Variants in HSP90B1 observed in about 807,000 individuals in gnomAD.
The protein encoded by HSP90B1 is heat shock protein 90 beta family member 1, also known as endoplasmin.
Under a neutral mutation model 100.4 loss-of-function variants are expected in HSP90B1, and 27 were observed. That is an observed-to-expected ratio of 0.27 (90% CI 0.20 to 0.37). The LOEUF is 0.37. Among genes scored for constraint, HSP90B1 ranks in the 10% least tolerant of loss-of-function variants. The probability of loss-of-function intolerance (pLI) is 1.00; values close to 1 mark genes in which losing one functional copy is unlikely to be tolerated. For synonymous variants in HSP90B1, 304 were observed against 330.8 expected (o/e 0.92, Z 0.88); for missense variants, 678 against 960.5 (o/e 0.71, Z 3.89).
At position 103,943,565 on chromosome 12, in the gene HSP90B1, G is replaced by A. The variant is rs1870139045; in HGVS notation, c.1891-173G>A. 12 of 721,558 alleles carry A rather than the reference G, an allele frequency of 1.7e-5. No homozygotes were observed. The South Asian group carries it at 2.6e-4, about 16-fold the overall frequency. 44.7% of individuals were successfully genotyped at this position (721,558 alleles called of 1,614,324 possible). A position where few individuals can be genotyped will look rare whatever the true frequency, so the allele number is the denominator to read the frequency against. On this transcript the variant is annotated intron_variant, in intron 13 of 17. Coordinates refer to ENST00000299767, the MANE Select transcript of HSP90B1 (RefSeq NM_003299.3). This position sits in a 1 kb window ranked among gnomAD's most constrained non-coding sequence, Gnocchi z 5.3. ...TTTAAACTTCTGACTAGAAAATTCA[G>A]ATTATCAAGTAAGTGCCCCTACAAA...
In HSP90B1 at chr12:103,930,754, C is replaced by T. The variant is rs923328358; in HGVS notation, c.49+190C>T. On this transcript the variant is annotated intron_variant, in intron 1 of 17. Transcript: ENST00000299767. This position sits in a 1 kb window ranked among gnomAD's most constrained non-coding sequence, Gnocchi z 4.4. Reference sequence around the variant, plus strand: ...TTCCTCTGGAAATAAAAAAAGAGAGCAACATCATCTAACTGCCCTACAGAT... The same window carrying T: ...TTCCTCTGGAAATAAAAAAAGAGAGTAACATCATCTAACTGCCCTACAGAT... Among the ~76,000 whole-genome samples, 3 of 151,152 alleles carry T rather than the reference C, an allele frequency of 2.0e-5. No homozygotes were observed. The highest frequency in any genetic ancestry group is 6.6e-5 in the Admixed American group (1 of 15,182).
chr12:103,937,592 T>C, intron 5 of HSP90B1, 103 bp from the exon 6 acceptor site: 1 of 668,456 alleles, frequency 1.5e-6, no homozygotes, highest in Non-Finnish European at 2.7e-6. Context: ...TTAGGACATC[T>C]TGGATTATAC....
intron 12 of HSP90B1, 95 bp downstream of exon 12, chr12:103,942,891 G>T: frequency 2.7e-6 from 4 of 1,472,660 alleles, no homozygotes; most frequent in Non-Finnish European, 3.7e-6. Context: ...ACTTAATTGT[G>T]TAACTGGAGT....
intron 4 of HSP90B1, among the ~76,000 whole-genome samples, chr12:103,933,342 C>T (rs767832237): frequency 3.3e-5 from 5 of 152,224 alleles, no homozygotes; most frequent in African/African-American, 7.2e-5. Flanking sequence ...GGGACAGAGG[C>T]GTGGGCAGCC....
chr12:103,932,753 G>A, intron 3 of HSP90B1, 73 bp from the exon 4 acceptor site: 1 of 825,122 alleles, frequency 1.2e-6, no homozygotes, highest in Non-Finnish European at 2.1e-6. Context: ...AAATAAATGG[G>A]TTTGGCATAA....
chr12:103,943,319 G>T lies in HSP90B1; in HGVS notation c.1890G>T (p.Lys630Asn). Reference protein sequence around the residue: ...NWMKDKALKDKIEKAVVSQRL... With the variant: ...NWMKDKALKDNIEKAVVSQRL... ...TGAAAGATAAAGCCCTTAAGGACAA[G>T]GTACTGTGGAAATTACAAATTGTGG... is the stretch of plus-strand genomic sequence containing the variant. The change falls in exon 13 of 18, where the codon AAG (lysine) becomes AAT (asparagine). Residue 630 changes from lysine to asparagine, a missense_variant and splice_region_variant. Lys to Asn is a moderately conservative substitution (Grantham distance 94). This residue lies in a region of HSP90B1 where 170 missense variants were observed against 236.7 expected (regional missense o/e 0.72). Coordinates refer to ENST00000299767, the MANE Select transcript of HSP90B1 (RefSeq NM_003299.3). The surrounding 1 kb of genome is among the most constrained non-coding windows in gnomAD (Gnocchi z 5.3). 6.2e-7 allele frequency: 1 copy of T among 1,612,396 alleles called. No homozygotes were observed.
chr12:103,943,762 C>A lies in HSP90B1; in HGVS notation c.1915C>A (p.Arg639Ser), dbSNP rs562235742. ...GATTGAAAAGGCTGTGGTGTCTCAG[C>A]GCCTGACAGAATCTCCGTGTGCTTT... ...DKIEKAVVSQRLTESPCALVA... is the reference protein window; with the variant it reads ...DKIEKAVVSQSLTESPCALVA... The change falls in exon 14 of 18, where the codon CGC becomes AGC. Residue 639 changes from arginine (R) to serine (S), a missense_variant. Transcript: ENST00000299767. This position sits in a 1 kb window ranked among gnomAD's most constrained non-coding sequence, Gnocchi z 5.3. The A allele has an allele frequency of 5.6e-6, 9 of 1,613,602 alleles. No homozygotes were observed. The Admixed American group carries it at 6.7e-5, about 12-fold the overall frequency.
rs766483420 is a variant in HSP90B1 at position 103,942,641 on chromosome 12, A to G, written c.1489A>G (p.Ile497Val). Residue 497 changes from isoleucine (I) to valine (V), a missense_variant, in exon 12 of 18, where the codon ATT (isoleucine) becomes GTT (valine). Around this residue, in one of 8 missense-constraint regions of HSP90B1, gnomAD observed 170 missense variants for 236.7 expected, o/e 0.72. Coordinates refer to ENST00000299767, the MANE Select transcript of HSP90B1 (RefSeq NM_003299.3). ...EFGTNIKLGV[I>V]EDHSNRTRLA... ...TGGTACCAACATCAAGCTTGGTGTG[A>G]TTGAAGACCACTCGAATCGAACACG... The G allele has an allele frequency of 6.2e-7, 1 of 1,614,054 alleles. No individual in the cohort carries two copies. The highest frequency in any genetic ancestry group is 1.7e-5 in the Admixed American group (1 of 60,024).
Position 103,934,034 on chromosome 12 carries a change from G to A in HSP90B1, c.490G>A (p.Gly164Ser). The change falls in exon 5 of 18, where the codon GGT (glycine) becomes AGT (serine). Residue 164 changes from glycine (G) to serine (S), a missense_variant. Transcript: ENST00000299767. ...MTREELVKNL[G>S]TIAKSGTSEF... ...CAGAGAAGAGTTGGTTAAAAACCTTGGTACCATAGCCAAATCTGGGACAAG... is the reference window on the plus strand; with the variant it reads ...CAGAGAAGAGTTGGTTAAAAACCTTAGTACCATAGCCAAATCTGGGACAAG... 1.2e-6 allele frequency: 2 copies of A among 1,614,182 alleles called. No individual in the cohort carries two copies. Among genetic ancestry groups the A allele is most frequent in the Non-Finnish European group, 1.7e-6 (2 of 1,180,020 alleles).
rs201673228 is a variant in HSP90B1 at position 103,943,922 on chromosome 12, A to G, written c.2027+48A>G. ...CTGCCAGGGCGTTGCCCCTTACCCA[A>G]TCTTTGTTTTGGAGATAATACCAGC... On this transcript the variant is annotated intron_variant, in intron 14 of 17. Coordinates refer to ENST00000299767, the MANE Select transcript of HSP90B1 (RefSeq NM_003299.3). The surrounding 1 kb of genome is among the most constrained non-coding windows in gnomAD (Gnocchi z 5.3). 14 of 1,560,906 alleles carry G rather than the reference A, an allele frequency of 9.0e-6. No individual in the cohort carries two copies. Among genetic ancestry groups the G allele is most frequent in the African/African-American group, 2.7e-5 (2 of 73,108 alleles).
At chr12:103,940,089 A>T (rs995578063) in intron 8 of HSP90B1, among the ~76,000 whole-genome samples, 8 of 152,140 alleles carry the variant, frequency 5.3e-5, no homozygotes, top group Admixed American at 1.3e-4. Flanking sequence ...TGATTTTTTT[A>T]AAAAAATTAT....
In HSP90B1 at chr12:103,930,434, G is replaced by T; in HGVS notation, c.-82G>T. 7.5e-7 allele frequency: 1 copy of T among 1,329,356 alleles called. No homozygotes were observed. Among genetic ancestry groups the T allele is most frequent in the Non-Finnish European group, 1.0e-6 (1 of 969,592 alleles). The allele number at this position is 1,329,356 out of a possible 1,614,324, so 82.3% of individuals were successfully genotyped here. A position where few individuals can be genotyped will look rare whatever the true frequency, so the allele number is the denominator to read the frequency against. ...TAGTGGGCGGACCGCGCGGCTGGAG[G>T]TGTGAGGATCCGAACCCAGGGGTGG... On this transcript the variant is annotated 5_prime_UTR_variant, in exon 1 of 18. Transcript: ENST00000299767. The surrounding 1 kb of genome is among the most constrained non-coding windows in gnomAD (Gnocchi z 4.4).
At chr12:103,933,473 C>T in intron 4 of HSP90B1, among the ~76,000 whole-genome samples, 1 of 152,254 alleles carries the variant, frequency 6.6e-6, no homozygotes. Context: ...CCATTTATAA[C>T]TCATTGGCCA....
At position 103,930,694 on chromosome 12, in the gene HSP90B1, C is replaced by CTTTCGAG; in HGVS notation, c.49+130_49+131insTTTCGAG. The CTTTCGAG allele has an allele frequency of 1.4e-6, 1 of 728,538 alleles. No individual in the cohort carries two copies. Among genetic ancestry groups the CTTTCGAG allele is most frequent in the Non-Finnish European group, 2.2e-6 (1 of 446,458 alleles). 45.1% of individuals were successfully genotyped at this position (728,538 alleles called of 1,614,324 possible). On this transcript the variant is annotated intron_variant, in intron 1 of 17. Coordinates refer to ENST00000299767, the MANE Select transcript of HSP90B1 (RefSeq NM_003299.3). This position sits in a 1 kb window ranked among gnomAD's most constrained non-coding sequence, Gnocchi z 4.4. ...TGGGCCAAGGGACGTCACCATTCCT[C>CTTTCGAG]GAAAGAGGGCAAGGGAATTACGTTT... is the stretch of plus-strand genomic sequence containing the variant.
chr12:103,935,348 T>G (rs1357929348), intron 5 of HSP90B1, among the ~76,000 whole-genome samples: 2 of 152,216 alleles, frequency 1.3e-5, no homozygotes, highest in Admixed American at 6.5e-5. Context: ...GCTTTTTGCC[T>G]TTTTAAAATT....
At chr12:103,944,390 T>C (rs1187388750) in intron 14 of HSP90B1, among the ~76,000 whole-genome samples, 2 of 152,198 alleles carry the variant, frequency 1.3e-5, no homozygotes, top group African/African-American at 2.4e-5. Context: ...TCTTTGGTAC[T>C]CTTTATTTTC....
chr12:103,938,423 GGAAGAA>G lies in HSP90B1; in HGVS notation c.949_954del (p.Glu317_Glu318del). ...AATCTGATGATGAAGCTGCAGTAGA[GGAAGAA>G]GAAGAAGAAAAGAAACCAAAGACTA... On this transcript the variant is annotated inframe_deletion, in exon 7 of 18. Coordinates refer to ENST00000299767, the MANE Select transcript of HSP90B1 (RefSeq NM_003299.3). 6.3e-7 allele frequency: 1 copy of G among 1,597,366 alleles called. No homozygotes were observed. The highest frequency in any genetic ancestry group is 8.6e-7 in the Non-Finnish European group (1 of 1,166,940).
chr12:103,941,396 C>A lies in HSP90B1; in HGVS notation c.1093-14C>A. The A allele has an allele frequency of 6.2e-7, 1 of 1,610,846 alleles. No homozygotes were observed. Among genetic ancestry groups the A allele is most frequent in the South Asian group, 1.1e-5 (1 of 90,828 alleles). On this transcript the variant is annotated splice_polypyrimidine_tract_variant and intron_variant, in intron 8 of 17. Transcript: ENST00000299767. ...CTGTGTCGTTTGAATGACTAAGATA[C>A]CAACTTTCCACAGGAAAGTGATGAC...
chr12:103,944,446 A>G (rs1186044154), intron 14 of HSP90B1, among the ~76,000 whole-genome samples: 1 of 152,080 alleles, frequency 6.6e-6, no homozygotes, highest in African/African-American at 2.4e-5. Context: ...CACAGCAATG[A>G]TCTTGAAAAT....
Sources: allele counts gnomAD v4.1 joint callset (sites outside exome capture counted in the v4.1 genomes callset), GRCh38; gene constraint gnomAD v4.1.1; regional missense constraint gnomAD v4.1.1; non-coding constraint Gnocchi (gnomAD v3.1); transcripts MANE v1.5; gene names NCBI Gene and HGNC (gene_info 2026-07-23, HGNC 2026-07-21).